The following ABI3BP variants were observed in gnomAD, a reference collection of about 807,000 sequenced individuals.
ABI3BP encodes the protein target of Nesh-SH3.
A neutral mutation model predicts 268.6 loss-of-function variants in ABI3BP; 216 were observed. The observed-to-expected ratio is 0.80, with a 90% CI of 0.72 to 0.90. The LOEUF is 0.90. Ranked by LOEUF, ABI3BP falls within the 40% of genes least tolerant of loss-of-function variation. The probability of loss-of-function intolerance (pLI) is 0.00; values close to 1 mark genes in which losing one functional copy is unlikely to be tolerated. For missense variants in ABI3BP, 2,090 were observed against 2,182.4 expected (o/e 0.96, Z 0.84); for synonymous variants, 730 against 730.0 (o/e 1.00, Z 0.00).
intron 1 of ABI3BP, among the ~76,000 whole-genome samples, chr3:100,927,036 G>A (rs899251168): frequency 6.6e-6 from 1 of 152,132 alleles, no homozygotes; most frequent in Middle Eastern, 3.2e-3. Context: ...ACATCTGGGA[G>A]TACATCTGGA....
At chr3:100,855,178 G>A (rs879893549) in intron 14 of ABI3BP, among the ~76,000 whole-genome samples, 7 of 152,170 alleles carry the variant, frequency 4.6e-5, no homozygotes, top group Admixed American at 2.0e-4. Context: ...CGCCCACCTC[G>A]GCCTCCCAAA....
chr3:100,777,544 A>G (rs1472942662), intron 59 of ABI3BP, among the ~76,000 whole-genome samples: 2 of 152,264 alleles, frequency 1.3e-5, no homozygotes, highest in Non-Finnish European at 2.9e-5. Flanking sequence ...AAAAGTATGC[A>G]AACAAACAGG....
intron 65 of ABI3BP, 110 bp from the exon 66 acceptor site, chr3:100,753,058 C>G: frequency 9.8e-7 from 1 of 1,017,478 alleles, no homozygotes; most frequent in Non-Finnish European, 1.4e-6. Flanking sequence ...TCCCCCCATG[C>G]TAAATACTGG....
chr3:100,895,884 C>T (rs2153463637), intron 4 of ABI3BP, among the ~76,000 whole-genome samples: 1 of 152,282 alleles, frequency 6.6e-6, no homozygotes, highest in African/African-American at 2.4e-5. Flanking sequence ...CTAATATGTA[C>T]AGTATTTCCA....
At chr3:100,860,633 G>A (rs538454588) in intron 14 of ABI3BP, among the ~76,000 whole-genome samples, 1 of 152,084 alleles carries the variant, frequency 6.6e-6, no homozygotes, top group East Asian at 1.9e-4. Context: ...GGTTCAACTC[G>A]AGCCTTCATA....
chr3:100,848,473 CTT>C (rs35928410), intron 18 of ABI3BP, among the ~76,000 whole-genome samples: 7,231 of 148,550 alleles, frequency 0.049, 200 homozygotes, highest in Non-Finnish European at 0.054. Flanking sequence ...AAAACATATC[CTT>C]TTTTTTTTTT....
At chr3:100,752,727 A>G in intron 66 of ABI3BP, 60 bp downstream of exon 66, 1 of 1,569,182 alleles carries the variant, frequency 6.4e-7, no homozygotes, top group South Asian at 1.2e-5. Flanking sequence ...CAAGTTGTAC[A>G]ATGCTGCAAA....
intron 62 of ABI3BP, 111 bp downstream of exon 62, chr3:100,770,632 T>G (rs6765500): frequency 0.15 from 158,592 of 1,035,878 alleles, 13,013 homozygotes; most frequent in Non-Finnish European, 0.17. Context: ...GCTAGTTTTG[T>G]CTCCTCCCCA....
At position 100,841,965 on chromosome 3, in the gene ABI3BP, T is replaced by C. The variant is rs188204192; in HGVS notation, c.1765+33A>G. The C allele has an allele frequency of 4.0e-4, 600 of 1,483,500 alleles. 1 individual carries two copies. Among genetic ancestry groups the C allele is most frequent in the Middle Eastern group, 1.5e-3 (9 of 5,816 alleles). 91.9% of individuals were successfully genotyped at this position (1,483,500 alleles called of 1,614,324 possible). A position where few individuals can be genotyped will look rare whatever the true frequency, so the allele number is the denominator to read the frequency against. On this transcript the variant is annotated intron_variant, in intron 21 of 67. Transcript: ENST00000471714. ...TGAACATGGAGAGTGTTAAAGATAC[T>C]TTGTTTTCACTCATTAAAAAAAGCT...
At chr3:100,929,878 GTTTT>G (rs904060588) in intron 1 of ABI3BP, among the ~76,000 whole-genome samples, 8 of 151,330 alleles carry the variant, frequency 5.3e-5, no homozygotes, top group African/African-American at 1.9e-4. Context: ...GGTTAAGCAA[GTTTT>G]TTTTTCCTTC....
chr3:100,856,558 G>T (rs913586989), intron 14 of ABI3BP, among the ~76,000 whole-genome samples: 3 of 152,172 alleles, frequency 2.0e-5, no homozygotes, highest in Admixed American at 6.5e-5. Flanking sequence ...GCAACATTTG[G>T]TTTTTCTGGA....
At chr3:100,863,772 T>A in intron 12 of ABI3BP, 2 of 490,092 alleles carry the variant, frequency 4.1e-6, no homozygotes, top group East Asian at 3.3e-5. Context: ...GACATATTGA[T>A]TCTGAATTAA....
chr3:100,902,609 G>A lies in ABI3BP; in HGVS notation c.328+9C>T. ...TAAAAGAAAAAGAATTCAATGCAAA[G>A]GACTATACCTGAACATGACTTCTTT... On this transcript the variant is annotated intron_variant, in intron 3 of 67. Transcript: ENST00000471714. 3.1e-6 allele frequency: 5 copies of A among 1,613,248 alleles called. No homozygotes were observed. The highest frequency in any genetic ancestry group is 4.2e-6 in the Non-Finnish European group (5 of 1,179,282).
intron 20 of ABI3BP, chr3:100,843,557 G>T: frequency 2.0e-6 from 2 of 981,002 alleles, no homozygotes; most frequent in Non-Finnish European, 2.4e-6. Context: ...GAGAGAGAGA[G>T]AGAGAGAGAG....
chr3:100,905,504 GAA>G (rs1218539943), intron 2 of ABI3BP, among the ~76,000 whole-genome samples: 1 of 146,412 alleles, frequency 6.8e-6, no homozygotes, highest in Non-Finnish European at 1.5e-5. Flanking sequence ...AATGATAAAG[GAA>G]AAAAGGGAAA....
At chr3:100,987,536 T>C (rs1017914553) in intron 1 of ABI3BP, among the ~76,000 whole-genome samples, 1 of 152,206 alleles carries the variant, frequency 6.6e-6, no homozygotes, top group Admixed American at 6.5e-5. Flanking sequence ...GGACAAATTA[T>C]ATTTGGTCAG....
At chr3:100,782,345 C>CTTTTT (rs200832118) in intron 57 of ABI3BP, among the ~76,000 whole-genome samples, 1 of 148,738 alleles carries the variant, frequency 6.7e-6, no homozygotes, top group Non-Finnish European at 1.5e-5. Flanking sequence ...CCCTTGCCCT[C>CTTTTT]TTTTTTTTTT....
intron 31 of ABI3BP, 141 bp downstream of exon 31, chr3:100,832,123 T>C (rs1186792980): frequency 3.0e-6 from 2 of 672,910 alleles, no homozygotes; most frequent in Non-Finnish European, 4.7e-6. Flanking sequence ...GCTAAGCTAT[T>C]CATGTTCTCC....
chr3:100,877,150 C>A (rs1322353945), intron 6 of ABI3BP, among the ~76,000 whole-genome samples: 1 of 152,194 alleles, frequency 6.6e-6, no homozygotes, highest in Non-Finnish European at 1.5e-5. Context: ...GAAACCAAAT[C>A]TTCTGTACTG....
Sources: allele counts gnomAD v4.1 joint callset (sites outside exome capture counted in the v4.1 genomes callset), GRCh38; gene constraint gnomAD v4.1.1; transcripts MANE v1.5; gene names NCBI Gene and HGNC (gene_info 2026-07-23, HGNC 2026-07-21).